ADGRL3: variants seen among roughly 807,000 people sequenced by gnomAD.
ADGRL3 encodes the protein adhesion G protein-coupled receptor L3, also known as calcium-independent alpha-latrotoxin receptor 3.
A neutral mutation model predicts 153.5 loss-of-function variants in ADGRL3; 62 were observed. The ratio of observed to expected loss-of-function variants is 0.40; its 90% CI spans 0.33 to 0.50. ADGRL3 has a LOEUF of 0.50. Among genes scored for constraint, ADGRL3 ranks in the 20% least tolerant of loss-of-function variants. ADGRL3 has a pLI of 0.47. For synonymous variants in ADGRL3, 710 were observed against 672.5 expected (o/e 1.06, Z -0.86); for missense variants, 1,641 against 1,859.4 (o/e 0.88, Z 2.16).
chr4:61,415,020 G>T (rs2097130579), intron 2 of ADGRL3, among the ~76,000 whole-genome samples: 1 of 151,864 alleles, frequency 6.6e-6, no homozygotes, highest in South Asian at 2.1e-4. Flanking sequence ...TAAATGAAAA[G>T]AGATGCCTGC....
chr4:61,629,147 G>A (rs529137713), intron 5 of ADGRL3, among the ~76,000 whole-genome samples: 19 of 152,168 alleles, frequency 1.2e-4, no homozygotes, highest in African/African-American at 2.6e-4. Flanking sequence ...AACCTCTTTC[G>A]CTTAAAAGTA....
chr4:61,330,541 T>G (rs2095550980), intron 1 of ADGRL3, among the ~76,000 whole-genome samples: 1 of 152,068 alleles, frequency 6.6e-6, no homozygotes, highest in Non-Finnish European at 1.5e-5. Context: ...GATCCTTTGG[T>G]CTCCATAATC....
chr4:61,587,176 C>G, intron 4 of ADGRL3, 51 bp from the exon 5 acceptor site: 1 of 1,256,466 alleles, frequency 8.0e-7, no homozygotes, highest in Non-Finnish European at 1.1e-6. Flanking sequence ...TGTAATTTTC[C>G]TTTGTATGTA....
At chr4:61,453,102 T>C (rs1203092214) in intron 2 of ADGRL3, among the ~76,000 whole-genome samples, 1 of 152,158 alleles carries the variant, frequency 6.6e-6, no homozygotes, top group Non-Finnish European at 1.5e-5. Flanking sequence ...AGGGACTAGC[T>C]CTTTCCTGAA....
In ADGRL3 at chr4:61,304,094, A is replaced by G. The variant is rs531193253; in HGVS notation, c.-239-79030A>G. Among the ~76,000 whole-genome samples, 4 of 152,314 alleles carry G rather than the reference A, an allele frequency of 2.6e-5. No individual in the cohort carries two copies. In the East Asian group the frequency reaches 7.7e-4, roughly 29 times the overall value. ...AGCACTCCAGGTAAATGAGAGATAC[A>G]GTGTTGCTTGTGTAGCAGCTGCTGA... On this transcript the variant is annotated intron_variant, in intron 1 of 26. Coordinates refer to ENST00000683033, the MANE Select transcript of ADGRL3 (RefSeq NM_001387552.1).
At chr4:61,691,109 A>G (rs1497908) in intron 6 of ADGRL3, among the ~76,000 whole-genome samples, 151,191 of 152,254 alleles carry the variant, frequency 0.99, 75,082 homozygotes, top group Middle Eastern at 1. Context: ...GTGTCTTTAG[A>G]ACTCTGTACT....
At chr4:61,646,985 G>T (rs987202961) in intron 5 of ADGRL3, among the ~76,000 whole-genome samples, 2 of 152,230 alleles carry the variant, frequency 1.3e-5, no homozygotes, top group Non-Finnish European at 2.9e-5. Flanking sequence ...CTGGTGCGCC[G>T]TTTTTTAAGC....
At chr4:61,270,802 T>G (rs142556560) in intron 1 of ADGRL3, among the ~76,000 whole-genome samples, 6 of 151,812 alleles carry the variant, frequency 4.0e-5, no homozygotes, top group African/African-American at 1.4e-4. Flanking sequence ...ACTTTACTGA[T>G]CAGTTTTTGC....
intron 1 of ADGRL3, among the ~76,000 whole-genome samples, chr4:61,339,921 C>G (rs2095769202): frequency 1.3e-5 from 2 of 152,112 alleles, no homozygotes. Context: ...CTGGCAGTAA[C>G]TCTTCAGGCA....
At chr4:61,405,844 G>T (rs977220936) in intron 2 of ADGRL3, among the ~76,000 whole-genome samples, 9 of 152,014 alleles carry the variant, frequency 5.9e-5, no homozygotes, top group East Asian at 1.9e-4. Flanking sequence ...ATCAGAAAAA[G>T]AACGCATTTT....
chr4:61,827,402 G>GA (rs140137815), intron 9 of ADGRL3, among the ~76,000 whole-genome samples: 141 of 152,224 alleles, frequency 9.3e-4, no homozygotes, highest in African/African-American at 3.1e-3. Flanking sequence ...GAAGTGGGAA[G>GA]AAAGACACTG....
At chr4:61,777,345 AG>A in intron 8 of ADGRL3, among the ~76,000 whole-genome samples, 2 of 152,178 alleles carry the variant, frequency 1.3e-5, no homozygotes, top group South Asian at 4.1e-4. Flanking sequence ...AAAAAAAAAA[AG>A]AAAATTTCTC....
intron 4 of ADGRL3, among the ~76,000 whole-genome samples, chr4:61,573,124 G>A (rs531557727): frequency 2.0e-5 from 3 of 152,106 alleles, no homozygotes; most frequent in African/African-American, 7.2e-5. Flanking sequence ...AGTGTGCTAA[G>A]CATAGTGTAA....
At chr4:61,231,082 C>T (rs375891090) in intron 1 of ADGRL3, among the ~76,000 whole-genome samples, 170 of 152,232 alleles carry the variant, frequency 1.1e-3, no homozygotes, top group African/African-American at 3.8e-3. Context: ...GACAAATAAA[C>T]TGAGGCGGAA....
intron 1 of ADGRL3, among the ~76,000 whole-genome samples, chr4:61,327,644 T>A (rs1280997187): frequency 6.6e-6 from 1 of 151,720 alleles, no homozygotes; most frequent in Non-Finnish European, 1.5e-5. Context: ...TTGGAGTAGA[T>A]CACTAAGGAA....
At chr4:61,363,687 T>C (rs1030495052) in intron 1 of ADGRL3, among the ~76,000 whole-genome samples, 4 of 152,152 alleles carry the variant, frequency 2.6e-5, no homozygotes, top group African/African-American at 4.8e-5. Context: ...CAAGTTAGCA[T>C]TTAAGGCCTG....
At position 61,200,988 on chromosome 4, in the gene ADGRL3, C is replaced by G. The variant is rs373621200; in HGVS notation, c.-1017C>G. ...CCGGGGAAGGAGTTTGTGTGGCTCT[C>G]GCTCCGGCTGTCCGCGGAGGTTGCG... is the stretch of plus-strand genomic sequence containing the variant. On this transcript the variant is annotated 5_prime_UTR_variant, in exon 1 of 27. Coordinates refer to ENST00000683033, the MANE Select transcript of ADGRL3 (RefSeq NM_001387552.1). 6.6e-6 allele frequency among the ~76,000 whole-genome samples: 1 copy of G among 152,162 alleles called. No homozygotes were observed. Among genetic ancestry groups the G allele is most frequent in the Non-Finnish European group, 1.5e-5 (1 of 68,034 alleles).
chr4:61,359,600 A>T (rs966887189), intron 1 of ADGRL3, among the ~76,000 whole-genome samples: 4 of 152,136 alleles, frequency 2.6e-5, no homozygotes, highest in African/African-American at 7.2e-5. Flanking sequence ...TACCAGTTAC[A>T]TTCAGGTTTT....
chr4:61,299,383 A>G (rs527538672), intron 1 of ADGRL3, among the ~76,000 whole-genome samples: 1 of 152,276 alleles, frequency 6.6e-6, no homozygotes, highest in South Asian at 2.1e-4. Context: ...TAGTGTCTTA[A>G]ATGAAAGCCT....
Sources: gnomAD v4.1 joint callset for allele counts (sites outside exome capture counted in the v4.1 genomes callset) on GRCh38, gnomAD v4.1.1 for gene constraint, MANE v1.5 for transcripts, NCBI Gene and HGNC (gene_info 2026-07-23, HGNC 2026-07-21) for gene names.